Variants in SPAG17 observed in about 807,000 individuals in gnomAD.
SPAG17 encodes the protein sperm associated antigen 17.
SPAG17 carries 169 observed loss-of-function variants against 273.6 expected under a neutral mutation model. That is an observed-to-expected ratio of 0.62 (90% CI 0.55 to 0.70). SPAG17 has a LOEUF of 0.70. Ranked by LOEUF, SPAG17 falls within the 30% of genes least tolerant of loss-of-function variation. SPAG17 has a pLI of 0.00. For missense variants in SPAG17, 2,557 were observed against 2,627.8 expected (o/e 0.97, Z 0.59); for synonymous variants, 825 against 873.2 (o/e 0.94, Z 0.97).
chr1:118,010,947 G>A (rs1038937906), intron 30 of SPAG17, among the ~76,000 whole-genome samples: 9 of 152,044 alleles, frequency 5.9e-5, no homozygotes, highest in African/African-American at 1.7e-4. Flanking sequence ...AGACATAAAC[G>A]TGGCCAAAAA....
Position 118,081,428 on chromosome 1 carries a change from G to C in SPAG17, c.1977C>G (p.Ala659=). ...CATGCAGTGTACCTGCTTTCTGCTT[G>C]GCCTCTTGAGTATTCATTTTCATGA... is the stretch of plus-strand genomic sequence containing the variant. ...QYVMKMNTQE[A]KQKADIKIKD... is the part of the protein sequence containing the mutation. Residue 659 remains alanine (A), a synonymous_variant, in exon 14 of 49, where the codon GCC becomes GCG. Transcript: ENST00000336338. The C allele has an allele frequency of 6.2e-7, 1 of 1,613,534 alleles. No individual in the cohort carries two copies. Among genetic ancestry groups the C allele is most frequent in the Non-Finnish European group, 8.5e-7 (1 of 1,179,926 alleles).
intron 20 of SPAG17, among the ~76,000 whole-genome samples, chr1:118,049,986 G>A (rs1650815466): frequency 6.6e-6 from 1 of 152,186 alleles, no homozygotes; most frequent in Non-Finnish European, 1.5e-5. Flanking sequence ...AGTTGGGTGA[G>A]TGGGCTCAAA....
At chr1:118,114,454 C>T (rs1656949326) in intron 4 of SPAG17, among the ~76,000 whole-genome samples, 1 of 152,128 alleles carries the variant, frequency 6.6e-6, no homozygotes, top group Non-Finnish European at 1.5e-5. Context: ...GAAGAAGGCA[C>T]TATTGGAGCA....
intron 3 of SPAG17, among the ~76,000 whole-genome samples, chr1:118,127,095 T>C (rs72697600): frequency 2.0e-5 from 3 of 152,360 alleles, no homozygotes; most frequent in Non-Finnish European, 4.4e-5. Flanking sequence ...AGCTTTGGGA[T>C]ACATTTTGAA....
chr1:118,118,164 T>G (rs1362785182), intron 3 of SPAG17, among the ~76,000 whole-genome samples: 1 of 152,210 alleles, frequency 6.6e-6, no homozygotes, highest in Admixed American at 6.5e-5. Flanking sequence ...AGACAGAATT[T>G]AAAGGAAATG....
chr1:118,016,210 C>T, intron 28 of SPAG17, 28 bp from the exon 29 acceptor site: 1 of 1,545,452 alleles, frequency 6.5e-7, no homozygotes, highest in Non-Finnish European at 8.9e-7. Flanking sequence ...AATCAAACAA[C>T]AACAATATAA....
At chr1:118,082,426 T>C (rs1042830592) in intron 13 of SPAG17, among the ~76,000 whole-genome samples, 3 of 152,032 alleles carry the variant, frequency 2.0e-5, no homozygotes, top group African/African-American at 7.3e-5. Context: ...CCAGCAAAGA[T>C]GAGAAAAGCA....
At position 117,973,512 on chromosome 1, in the gene SPAG17, C is replaced by G. The variant is rs747441642; in HGVS notation, c.6054G>C (p.Gln2018His). The change falls in exon 44 of 49, where the codon CAG (glutamine) becomes CAC (histidine). Residue 2018 changes from glutamine to histidine, a missense_variant. Coordinates refer to ENST00000336338, the MANE Select transcript of SPAG17 (RefSeq NM_206996.4). ...PVKIPTQSLL[Q>H]DVAGQTRKEK... is the part of the protein sequence containing the mutation. ...CTTTTCTTGTTTGTCCCGCAACATC[C>G]TGCAGCAAGGACTGGGTTGGAATTT... 3.1e-6 allele frequency: 5 copies of G among 1,613,938 alleles called. No individual in the cohort carries two copies. The African/African-American group carries it at 6.7e-5, about 22-fold the overall frequency.
At chr1:118,139,694 T>C (rs780774574) in intron 3 of SPAG17, among the ~76,000 whole-genome samples, 12 of 151,980 alleles carry the variant, frequency 7.9e-5, no homozygotes, top group Admixed American at 2.6e-4. Flanking sequence ...GTGAAATGAG[T>C]TGGGCATATA....
rs1456776172 is a variant in SPAG17 at position 118,051,951 on chromosome 1, C to T, written c.2814+2051G>A. ...TATAATATATATAATACTATGTATA[C>T]ATATATTACATTATGTACATACTAC... On this transcript the variant is annotated intron_variant, in intron 20 of 48. Transcript: ENST00000336338. Among the ~76,000 whole-genome samples the T allele has an allele frequency of 1.5e-5, 2 of 135,008 alleles. 1 individual carries two copies. Among genetic ancestry groups the T allele is most frequent in the East Asian group, 4.8e-4 (2 of 4,150 alleles). The allele number at this position is 135,008 out of a possible 152,430, so 88.6% of individuals were successfully genotyped here.
intron 44 of SPAG17, 76 bp downstream of exon 44, chr1:117,973,349 T>C (rs867346075): frequency 1.3e-6 from 2 of 1,544,558 alleles, no homozygotes; most frequent in South Asian, 1.2e-5. Flanking sequence ...AGGAGCAGGA[T>C]TGAAAAAAAT....
At chr1:118,143,922 G>T (rs964314637) in intron 3 of SPAG17, among the ~76,000 whole-genome samples, 1 of 152,098 alleles carries the variant, frequency 6.6e-6, no homozygotes, top group African/African-American at 2.4e-5. Flanking sequence ...CTGCCTGCAG[G>T]TCCTAGCCAG....
intron 6 of SPAG17, among the ~76,000 whole-genome samples, chr1:118,098,529 A>G (rs1655858400): frequency 6.6e-6 from 1 of 151,824 alleles, no homozygotes; most frequent in Non-Finnish European, 1.5e-5. Flanking sequence ...AAATATTTTT[A>G]CAGAGAGACT....
At chr1:118,039,065 C>A (rs1245484361) in intron 23 of SPAG17, among the ~76,000 whole-genome samples, 1 of 152,010 alleles carries the variant, frequency 6.6e-6, no homozygotes, top group African/African-American at 2.4e-5. Context: ...TCATCATGAA[C>A]CTAAAACTGC....
chr1:118,114,086 C>T (rs1558022679), intron 4 of SPAG17, among the ~76,000 whole-genome samples: 1 of 152,044 alleles, frequency 6.6e-6, no homozygotes, highest in Non-Finnish European at 1.5e-5. Context: ...AATTCAGATT[C>T]CCATATGGCA....
intron 1 of SPAG17, among the ~76,000 whole-genome samples, chr1:118,172,957 A>T (rs1660487695): frequency 6.6e-6 from 1 of 152,316 alleles, no homozygotes; most frequent in East Asian, 1.9e-4. Flanking sequence ...AATTTTTTAT[A>T]AATTGTCATG....
intron 20 of SPAG17, among the ~76,000 whole-genome samples, chr1:118,048,446 TA>T (rs1291731104): frequency 1.3e-5 from 2 of 152,154 alleles, no homozygotes; most frequent in Non-Finnish European, 2.9e-5. Flanking sequence ...ATAAATAAAA[TA>T]ATTCAACTTT....
intron 29 of SPAG17, among the ~76,000 whole-genome samples, chr1:118,012,695 C>T (rs1659600917): frequency 6.6e-6 from 1 of 152,170 alleles, no homozygotes; most frequent in African/African-American, 2.4e-5. Context: ...GACCACAGGC[C>T]CTGTTTCCTT....
intron 1 of SPAG17, among the ~76,000 whole-genome samples, chr1:118,179,339 A>G (rs1660835083): frequency 6.6e-6 from 1 of 152,024 alleles, no homozygotes; most frequent in Non-Finnish European, 1.5e-5. Context: ...AGGAAAGGAC[A>G]GTCTCTTCAA....
Sources: allele counts gnomAD v4.1 joint callset (sites outside exome capture counted in the v4.1 genomes callset), GRCh38; gene constraint gnomAD v4.1.1; transcripts MANE v1.5; gene names NCBI Gene and HGNC (gene_info 2026-07-23, HGNC 2026-07-21).